RPSA2: variants seen among roughly 807,000 people sequenced by gnomAD.
RPSA2 encodes small ribosomal subunit protein uS2B.
the RPSA2 span, among the ~76,000 whole-genome samples, chr19:23,822,838 C>T: frequency 1.3e-5 from 2 of 152,288 alleles, no homozygotes; most frequent in Non-Finnish European, 1.5e-5. Context: ...CCGGTGGTTC[C>T]TCCAAAACTG....
chr19:23,820,847 C>T, the RPSA2 span, among the ~76,000 whole-genome samples: 148,840 of 152,162 alleles, frequency 0.98, 72,887 homozygotes, highest in Middle Eastern at 1. Context: ...CTTCCACCAC[C>T]AAGTGCAATG....
the RPSA2 span, among the ~76,000 whole-genome samples, chr19:23,817,058 C>A: frequency 6.6e-6 from 1 of 151,974 alleles, no homozygotes; most frequent in Admixed American, 6.6e-5. Context: ...TAAAATTATA[C>A]CTCTATGTTT....
chr19:23,861,984 T>C, the RPSA2 span, among the ~76,000 whole-genome samples: 148,776 of 152,120 alleles, frequency 0.98, 72,845 homozygotes, highest in Middle Eastern at 1. Flanking sequence ...TCCTTTTTCA[T>C]GATATTGATT....
the RPSA2 span, among the ~76,000 whole-genome samples, chr19:23,841,507 G>T: frequency 2.6e-5 from 4 of 152,148 alleles, no homozygotes; most frequent in African/African-American, 9.7e-5. Context: ...GTACTTTGGA[G>T]AAACTTTCTG....
the RPSA2 span, among the ~76,000 whole-genome samples, chr19:23,806,508 G>A: frequency 6.6e-6 from 1 of 151,978 alleles, no homozygotes; most frequent in Non-Finnish European, 1.5e-5. Context: ...AAAAGTGGCT[G>A]GGTGATGTGG....
At chr19:23,828,015 C>T in the RPSA2 span, 401 of 744,750 alleles carry the variant, frequency 5.4e-4, 6 homozygotes, top group South Asian at 6.2e-3. Context: ...GCTCAGGCCA[C>T]TGAATGGGTA....
At chr19:23,760,509 T>G in the RPSA2 span, among the ~76,000 whole-genome samples, 2 of 152,010 alleles carry the variant, frequency 1.3e-5, no homozygotes, top group Non-Finnish European at 2.9e-5. Flanking sequence ...TGGCATGTGC[T>G]GGGTTGTGGT....
chr19:23,869,375 T>C, the RPSA2 span, among the ~76,000 whole-genome samples: 1 of 151,474 alleles, frequency 6.6e-6, no homozygotes, highest in Non-Finnish European at 1.5e-5. Flanking sequence ...CTTGGTTCTA[T>C]TTATGTAACT....
At chr19:23,816,369 C>T in the RPSA2 span, among the ~76,000 whole-genome samples, 1 of 152,104 alleles carries the variant, frequency 6.6e-6, no homozygotes, top group Non-Finnish European at 1.5e-5. Flanking sequence ...CTTCTGAGAT[C>T]CAGTGATCAG....
the RPSA2 span, among the ~76,000 whole-genome samples, chr19:23,849,029 C>G: frequency 6.6e-6 from 1 of 152,186 alleles, no homozygotes; most frequent in African/African-American, 2.4e-5. Context: ...GTAAAGTTAC[C>G]AGTATCCAGA....
At chr19:23,778,121 A>G in the RPSA2 span, among the ~76,000 whole-genome samples, 1 of 152,134 alleles carries the variant, frequency 6.6e-6, no homozygotes, top group Non-Finnish European at 1.5e-5. Context: ...ACCAGAACCA[A>G]TGTAATTTGT....
the RPSA2 span, among the ~76,000 whole-genome samples, chr19:23,806,897 T>C: frequency 4.6e-5 from 7 of 152,034 alleles, no homozygotes; most frequent in Non-Finnish European, 1.0e-4. Flanking sequence ...AATATCTCTA[T>C]CTTGGACTTT....
chr19:23,773,956 G>A, the RPSA2 span, among the ~76,000 whole-genome samples: 1 of 151,030 alleles, frequency 6.6e-6, no homozygotes, highest in South Asian at 2.1e-4. Context: ...GCACCTTCCT[G>A]CAGGTTTAAT....
the RPSA2 span, among the ~76,000 whole-genome samples, chr19:23,762,300 G>T: frequency 6.6e-6 from 1 of 152,048 alleles, no homozygotes; most frequent in African/African-American, 2.4e-5. Flanking sequence ...CCACGATGTG[G>T]TCAGCAGTGT....
At chr19:23,812,664 G>T in the RPSA2 span, among the ~76,000 whole-genome samples, 2 of 152,052 alleles carry the variant, frequency 1.3e-5, no homozygotes, top group Non-Finnish European at 2.9e-5. Flanking sequence ...ATCTCAAAGT[G>T]CTGGGATTGC....
chr19:23,784,611 A>G, the RPSA2 span, among the ~76,000 whole-genome samples: 1 of 152,236 alleles, frequency 6.6e-6, no homozygotes, highest in Admixed American at 6.5e-5. Flanking sequence ...TGAAGCCCTC[A>G]GGTGACACAG....
the RPSA2 span, among the ~76,000 whole-genome samples, chr19:23,786,760 C>T: frequency 6.6e-6 from 1 of 152,002 alleles, no homozygotes; most frequent in African/African-American, 2.4e-5. Context: ...ATGTGACTCT[C>T]CTCTTTTTTT....
the RPSA2 span, among the ~76,000 whole-genome samples, chr19:23,771,010 G>C: frequency 0.022 from 3,331 of 152,210 alleles, 129 homozygotes; most frequent in African/African-American, 0.076. Flanking sequence ...TCATAGCCAG[G>C]GTCAGGAAAA....
chr19:23,841,534 A>C, the RPSA2 span, among the ~76,000 whole-genome samples: 1 of 152,238 alleles, frequency 6.6e-6, no homozygotes, highest in African/African-American at 2.4e-5. Context: ...GTGCATAAAC[A>C]ATCACATTTA....
Sources: allele counts gnomAD v4.1 joint callset (sites outside exome capture counted in the v4.1 genomes callset), GRCh38; gene constraint gnomAD v4.1.1; transcripts MANE v1.5; gene names NCBI Gene and HGNC (gene_info 2026-07-23, HGNC 2026-07-21).